ZNF385B: variants seen among roughly 807,000 people sequenced by gnomAD.
ZNF385B encodes the protein zinc finger protein 533.
ZNF385B carries 23 observed loss-of-function variants against 39.2 expected under a neutral mutation model. The observed-to-expected ratio is 0.59, with a 90% CI of 0.42 to 0.83. ZNF385B has a LOEUF of 0.83. Ranked by LOEUF, ZNF385B falls within the 40% of genes least tolerant of loss-of-function variation. ZNF385B has a pLI of 0.00. For missense variants in ZNF385B, 552 were observed against 598.9 expected (o/e 0.92, Z 0.82); for synonymous variants, 205 against 222.6 (o/e 0.92, Z 0.70).
At chr2:179,745,759 T>A (rs1451078615) in intron 3 of ZNF385B, 1 of 1,537,952 alleles carries the variant, frequency 6.5e-7, no homozygotes, top group Admixed American at 2.0e-5. Flanking sequence ...TCTCACCAGC[T>A]TCAAGAGCAA....
intron 1 of ZNF385B, among the ~76,000 whole-genome samples, chr2:179,834,492 T>A: frequency 6.7e-6 from 1 of 149,880 alleles, no homozygotes; most frequent in African/African-American, 2.5e-5. Context: ...AAATAATGAC[T>A]TTTTTAAAAA....
intron 5 of ZNF385B, among the ~76,000 whole-genome samples, chr2:179,507,324 C>G (rs904020324): frequency 6.6e-6 from 1 of 152,140 alleles, no homozygotes. Flanking sequence ...ATATCCTCAA[C>G]AAGCCCTGGT....
intron 1 of ZNF385B, among the ~76,000 whole-genome samples, chr2:179,840,820 A>G (rs1185008452): frequency 6.6e-6 from 1 of 152,216 alleles, no homozygotes; most frequent in Non-Finnish European, 1.5e-5. Context: ...ACATTTCTCA[A>G]CTATGCACAA....
chr2:179,846,025 G>A (rs1708781249), intron 1 of ZNF385B, among the ~76,000 whole-genome samples: 1 of 152,190 alleles, frequency 6.6e-6, no homozygotes, highest in African/African-American at 2.4e-5. Context: ...CTTGCACATG[G>A]TAATGACTGA....
At chr2:179,841,133 A>G (rs1708514117) in intron 1 of ZNF385B, among the ~76,000 whole-genome samples, 1 of 152,250 alleles carries the variant, frequency 6.6e-6, no homozygotes, top group Non-Finnish European at 1.5e-5. Context: ...AAGGGATCAC[A>G]TCGTACAAGG....
At chr2:179,750,442 G>C (rs1033387544) in intron 3 of ZNF385B, among the ~76,000 whole-genome samples, 1 of 152,118 alleles carries the variant, frequency 6.6e-6, no homozygotes, top group Non-Finnish European at 1.5e-5. Context: ...CAATGACTTA[G>C]AAAAGTATAT....
At chr2:179,764,012 T>G (rs1490510178) in intron 3 of ZNF385B, among the ~76,000 whole-genome samples, 1 of 152,220 alleles carries the variant, frequency 6.6e-6, no homozygotes, top group Non-Finnish European at 1.5e-5. Context: ...TCCTCTATAT[T>G]CTTGCTTATT....
chr2:179,512,512 G>C (rs2057758567), intron 5 of ZNF385B, among the ~76,000 whole-genome samples: 1 of 152,154 alleles, frequency 6.6e-6, no homozygotes, highest in Non-Finnish European at 1.5e-5. Flanking sequence ...TGAAGTGTAT[G>C]TTAGCTCATT....
chr2:179,822,801 A>G lies in ZNF385B; in HGVS notation c.-155+38300T>C, dbSNP rs141505291. ...AGAATTATTCTTTGCACACAAAAAT[A>G]AACACATAATAATAGGAATTCTGTG... On this transcript the variant is annotated intron_variant, in intron 1 of 9. Coordinates refer to ENST00000410066, the MANE Select transcript of ZNF385B (RefSeq NM_152520.6). Among the ~76,000 whole-genome samples, 41 of 152,354 alleles carry G rather than the reference A, an allele frequency of 2.7e-4. 2 individuals carry two copies. In the East Asian group the frequency reaches 7.7e-3, roughly 29 times the overall value.
In ZNF385B at chr2:179,543,881, T is replaced by C. The variant is rs534326480; in HGVS notation, c.441+946A>G. Among the ~76,000 whole-genome samples, 88 of 152,290 alleles carry C rather than the reference T, an allele frequency of 5.8e-4. 2 individuals are homozygous for C. The South Asian group carries it at 0.018, about 31-fold the overall frequency. On this transcript the variant is annotated intron_variant, in intron 4 of 9. Coordinates refer to ENST00000410066, the MANE Select transcript of ZNF385B (RefSeq NM_152520.6). ...AAATCCTCTTGCTGTTTTCACTTCA[T>C]ACAGAAGATAGGTTTGCAAAATGAA...
intron 6 of ZNF385B, among the ~76,000 whole-genome samples, chr2:179,450,243 T>C (rs1360540404): frequency 2.6e-5 from 4 of 152,006 alleles, no homozygotes; most frequent in Non-Finnish European, 5.9e-5. Context: ...AAAGCCAAAA[T>C]TGACAAATGG....
chr2:179,487,310 T>C (rs2054682175), intron 5 of ZNF385B, among the ~76,000 whole-genome samples: 1 of 152,224 alleles, frequency 6.6e-6, no homozygotes, highest in South Asian at 2.1e-4. Context: ...GACTGTTGTT[T>C]GGGAAAAATG....
chr2:179,787,246 A>T (rs1287950208), intron 1 of ZNF385B, among the ~76,000 whole-genome samples: 2 of 152,032 alleles, frequency 1.3e-5, no homozygotes, highest in African/African-American at 2.4e-5. Flanking sequence ...TTTTTAATAT[A>T]TTCAAATCTA....
chr2:179,737,732 T>C (rs1701852732), intron 3 of ZNF385B, among the ~76,000 whole-genome samples: 1 of 152,230 alleles, frequency 6.6e-6, no homozygotes, highest in Non-Finnish European at 1.5e-5. Context: ...CCTTTATATA[T>C]ATTATTCTCA....
At chr2:179,746,306 T>A (rs1702378865) in intron 3 of ZNF385B, among the ~76,000 whole-genome samples, 1 of 152,192 alleles carries the variant, frequency 6.6e-6, no homozygotes, top group Non-Finnish European at 1.5e-5. Flanking sequence ...TACGAGGACT[T>A]ATAAAGGCTG....
At chr2:179,594,055 A>T (rs1687794237) in intron 3 of ZNF385B, among the ~76,000 whole-genome samples, 1 of 152,240 alleles carries the variant, frequency 6.6e-6, no homozygotes, top group South Asian at 2.1e-4. Flanking sequence ...AGGCAAAAAG[A>T]AACAGAAGAC....
intron 4 of ZNF385B, among the ~76,000 whole-genome samples, chr2:179,533,773 C>T (rs768955581): frequency 2.0e-5 from 3 of 151,978 alleles, no homozygotes; most frequent in Non-Finnish European, 4.4e-5. Context: ...AACCTAGTTG[C>T]AATTTGATTA....
rs547357626 is a variant in ZNF385B, at chr2:179,508,150, A to G, written c.552+10378T>C. Among the ~76,000 whole-genome samples the G allele has an allele frequency of 5.3e-5, 8 of 152,336 alleles. 1 individual carries two copies. In the South Asian group the frequency reaches 1.7e-3, roughly 32 times the overall value. The stretch of plus-strand genomic sequence containing the variant: ...CTTAAACTGTAAAAACTATAGCCAA[A>G]TGCCTGCTCAAGCATACTGAATAAA... On this transcript the variant is annotated intron_variant, in intron 5 of 9. Transcript: ENST00000410066.
chr2:179,704,936 A>G (rs1265602061), intron 3 of ZNF385B, among the ~76,000 whole-genome samples: 1 of 152,164 alleles, frequency 6.6e-6, no homozygotes, highest in Non-Finnish European at 1.5e-5. Context: ...CAGCTATCTA[A>G]CACTTGGTCA....
Sources: allele counts gnomAD v4.1 joint callset (sites outside exome capture counted in the v4.1 genomes callset), GRCh38; gene constraint gnomAD v4.1.1; transcripts MANE v1.5; gene names NCBI Gene and HGNC (gene_info 2026-07-23, HGNC 2026-07-21).